AUTS2: variants seen among roughly 807,000 people sequenced by gnomAD.
AUTS2 encodes activator of transcription and developmental regulator AUTS2.
Under a neutral mutation model 112.4 loss-of-function variants are expected in AUTS2, and 17 were observed. The ratio of observed to expected loss-of-function variants is 0.15; its 90% CI spans 0.10 to 0.23. The LOEUF is 0.23. Among genes scored for constraint, AUTS2 ranks in the 10% least tolerant of loss-of-function variants. AUTS2 has a pLI of 1.00. For missense variants in AUTS2, 1,510 were observed against 1,701.6 expected (o/e 0.89, Z 1.98); for synonymous variants, 751 against 702.7 (o/e 1.07, Z -1.09).
Position 70,130,916 on chromosome 7 carries a change from G to A in AUTS2, c.625-3620G>A, listed in dbSNP as rs554254068. Among the ~76,000 whole-genome samples, 3 of 152,250 alleles carry A rather than the reference G, an allele frequency of 2.0e-5. No homozygotes were observed. In the South Asian group the frequency reaches 6.2e-4, roughly 32 times the overall value. On this transcript the variant is annotated intron_variant, in intron 3 of 18. Transcript: ENST00000342771. ...TGAAATGGCAACTCTACCACTTGAA[G>A]AAATAAGAATGAAGCCCTTTTCAGC...
intron 5 of AUTS2, among the ~76,000 whole-genome samples, chr7:70,540,961 A>G (rs1344673962): frequency 6.6e-6 from 1 of 152,108 alleles, no homozygotes; most frequent in Non-Finnish European, 1.5e-5. Context: ...CTGAGCAGGC[A>G]CCCCATGGAA....
intron 5 of AUTS2, among the ~76,000 whole-genome samples, chr7:70,692,668 G>A (rs1290206666): frequency 6.6e-6 from 1 of 152,096 alleles, no homozygotes; most frequent in Non-Finnish European, 1.5e-5. Flanking sequence ...ACCAGTTTGG[G>A]GGAGGGGGTG....
chr7:69,870,926 A>G (rs1339923682), intron 1 of AUTS2, among the ~76,000 whole-genome samples: 4 of 152,222 alleles, frequency 2.6e-5, no homozygotes, highest in African/African-American at 9.6e-5. Context: ...CCAGTTTTAA[A>G]TGCAGATATG....
intron 2 of AUTS2, among the ~76,000 whole-genome samples, chr7:70,020,795 C>T (rs1217156222): frequency 6.6e-6 from 1 of 152,038 alleles, no homozygotes; most frequent in African/African-American, 2.4e-5. Context: ...GTGATTCTCC[C>T]ACCTTAGCCT....
intron 2 of AUTS2, among the ~76,000 whole-genome samples, chr7:69,944,790 A>T (rs1168835627): frequency 6.6e-6 from 1 of 152,178 alleles, no homozygotes; most frequent in African/African-American, 2.4e-5. Context: ...TACGTATCAG[A>T]TTTCATGGTA....
chr7:70,678,146 G>T (rs964902313), intron 5 of AUTS2, among the ~76,000 whole-genome samples: 1 of 152,046 alleles, frequency 6.6e-6, no homozygotes, highest in African/African-American at 2.4e-5. Context: ...ACGTGTAGTT[G>T]TCCTCTCTCC....
intron 4 of AUTS2, among the ~76,000 whole-genome samples, chr7:70,367,845 T>C (rs1792655728): frequency 2.0e-5 from 3 of 152,132 alleles, no homozygotes; most frequent in Admixed American, 2.0e-4. Context: ...CCACTGACCT[T>C]TAGCAACAAC....
rs866714596 is a variant in AUTS2 at position 70,391,574 on chromosome 7, T to C, written c.661-44178T>C. 6.6e-5 allele frequency among the ~76,000 whole-genome samples: 10 copies of C among 152,172 alleles called. No individual in the cohort carries two copies. The South Asian group carries it at 1.5e-3, about 22-fold the overall frequency. On this transcript the variant is annotated intron_variant, in intron 4 of 18. Coordinates refer to ENST00000342771, the MANE Select transcript of AUTS2 (RefSeq NM_015570.4). ...ATCACGGAGTATCTGTTGAATAATC[T>C]GTAAAACTGTTATCAACCCCAACTA... is the stretch of plus-strand genomic sequence containing the variant.
chr7:69,787,642 TG>T (rs1789435878), intron 1 of AUTS2, among the ~76,000 whole-genome samples: 3 of 152,178 alleles, frequency 2.0e-5, no homozygotes, highest in Admixed American at 2.0e-4. Context: ...CTCCACCTCC[TG>T]GGTTCAAGTG....
At chr7:69,937,959 A>T (rs1796479913) in intron 2 of AUTS2, among the ~76,000 whole-genome samples, 1 of 152,186 alleles carries the variant, frequency 6.6e-6, no homozygotes, top group Non-Finnish European at 1.5e-5. Context: ...ATGTGCTAGG[A>T]GACAGCATGA....
intron 1 of AUTS2, among the ~76,000 whole-genome samples, chr7:69,736,825 A>C (rs1787050189): frequency 6.6e-6 from 1 of 152,258 alleles, no homozygotes; most frequent in African/African-American, 2.4e-5. Flanking sequence ...CTTAAGGGTT[A>C]CCCTGGACGA....
intron 4 of AUTS2, among the ~76,000 whole-genome samples, chr7:70,394,856 T>A (rs1254137318): frequency 6.6e-6 from 1 of 151,762 alleles, no homozygotes; most frequent in Admixed American, 6.6e-5. Flanking sequence ...AGTGAGAGGA[T>A]CGCCTGCAGC....
intron 4 of AUTS2, among the ~76,000 whole-genome samples, chr7:70,222,918 C>T (rs963898283): frequency 1.8e-4 from 26 of 144,776 alleles, no homozygotes; most frequent in South Asian, 6.5e-4. Context: ...GACAAAGTCT[C>T]GCCCTGTCAC....
rs747142063 is a variant in AUTS2 at position 70,764,709 on chromosome 7, CT to C, written c.1215-36del. On this transcript the variant is annotated intron_variant, in intron 7 of 18. Transcript: ENST00000342771. ...CTTTTAAAGAGAATACATTGCTTAC[CT>C]TTTTTTATTTTTTTCTTTTCTTTTT... The C allele has an allele frequency of 2.1e-5, 15 of 716,280 alleles. 1 individual carries two copies. The highest frequency in any genetic ancestry group is 1.9e-4 in the South Asian group (13 of 66,968). The allele number at this position is 716,280 out of a possible 1,614,324, so 44.4% of individuals were successfully genotyped here. A position where few individuals can be genotyped will look rare whatever the true frequency, so the allele number is the denominator to read the frequency against.
intron 5 of AUTS2, among the ~76,000 whole-genome samples, chr7:70,534,086 C>G (rs145922712): frequency 6.6e-6 from 1 of 152,340 alleles, no homozygotes; most frequent in East Asian, 1.9e-4. Flanking sequence ...AGATGGCCAA[C>G]TAAGAGGTCG....
At chr7:69,984,308 G>GAGGC (rs1798415979) in intron 2 of AUTS2, among the ~76,000 whole-genome samples, 1 of 151,186 alleles carries the variant, frequency 6.6e-6, no homozygotes, top group African/African-American at 2.4e-5. Flanking sequence ...TTGGGAGGCT[G>GAGGC]AGGCAGGAGA....
intron 5 of AUTS2, among the ~76,000 whole-genome samples, chr7:70,578,552 T>C (rs747293527): frequency 3.3e-5 from 5 of 152,254 alleles, no homozygotes; most frequent in Non-Finnish European, 5.9e-5. Context: ...ACTATAAACG[T>C]TAGTAAACTA....
chr7:69,700,948 A>G (rs1797777624), intron 1 of AUTS2, among the ~76,000 whole-genome samples: 1 of 152,210 alleles, frequency 6.6e-6, no homozygotes, highest in Non-Finnish European at 1.5e-5. Context: ...GCTTTCCCAG[A>G]TAGAAACATG....
At chr7:69,822,875 A>G (rs892684566) in intron 1 of AUTS2, among the ~76,000 whole-genome samples, 2 of 152,224 alleles carry the variant, frequency 1.3e-5, no homozygotes, top group African/African-American at 4.8e-5. Flanking sequence ...TTGCAATTTT[A>G]GAAATAAACC....
Sources: allele counts gnomAD v4.1 joint callset (sites outside exome capture counted in the v4.1 genomes callset), GRCh38; gene constraint gnomAD v4.1.1; transcripts MANE v1.5; gene names NCBI Gene and HGNC (gene_info 2026-07-23, HGNC 2026-07-21).